The following IL1RAPL2 variants were observed in gnomAD, a reference collection of about 807,000 sequenced individuals.
IL1RAPL2 encodes X-linked interleukin-1 receptor accessory protein-like 2.
IL1RAPL2 carries 3 observed loss-of-function variants against 44.1 expected under a neutral mutation model. The ratio of observed to expected loss-of-function variants is 0.07; its 90% CI spans 0.03 to 0.18. The LOEUF (loss-of-function observed/expected upper bound fraction) is 0.18, where lower values mean the gene tolerates loss of function less well. Ranked by LOEUF, IL1RAPL2 falls within the 10% of genes least tolerant of loss-of-function variation. The pLI, the probability that IL1RAPL2 is intolerant of heterozygous loss-of-function variation, is 1.00. For missense variants in IL1RAPL2, 391 were observed against 496.4 expected (o/e 0.79, Z 2.02); for synonymous variants, 181 against 178.8 (o/e 1.01, Z -0.10).
At chrX:105,076,233 G>A (rs2032299016) in intron 2 of IL1RAPL2, among the ~76,000 whole-genome samples, 1 of 110,913 alleles carries the variant, frequency 9.0e-6, no homozygotes, top group African/African-American at 3.3e-5. Flanking sequence ...AGAGATTCTG[G>A]TATGTTGTGT....
chrX:104,774,855 G>T (rs1293967657), intron 2 of IL1RAPL2, among the ~76,000 whole-genome samples: 3 of 112,225 alleles, frequency 2.7e-5, no homozygotes, highest in Non-Finnish European at 1.9e-5. Context: ...AAATTACTAA[G>T]ATGTGTGGTG....
At chrX:105,065,554 G>T (rs952723773) in intron 2 of IL1RAPL2, among the ~76,000 whole-genome samples, 3 of 111,712 alleles carry the variant, frequency 2.7e-5, no homozygotes, top group African/African-American at 9.8e-5. Flanking sequence ...ATTGGGAATA[G>T]AGTCTCAATT....
chrX:104,857,166 A>G (rs373161056), intron 2 of IL1RAPL2, among the ~76,000 whole-genome samples: 4 of 112,061 alleles, frequency 3.6e-5, no homozygotes, highest in African/African-American at 1.3e-4. Flanking sequence ...CACAGAACAA[A>G]TACCTATTGG....
chrX:105,021,973 T>C, intron 2 of IL1RAPL2, among the ~76,000 whole-genome samples: 1 of 111,180 alleles, frequency 9.0e-6, no homozygotes, highest in Non-Finnish European at 1.9e-5. Flanking sequence ...ATCAACCATA[T>C]AAATTGTAGG....
chrX:105,467,522 A>G (rs1456306394), intron 5 of IL1RAPL2, among the ~76,000 whole-genome samples: 1 of 111,991 alleles, frequency 8.9e-6, no homozygotes, highest in Non-Finnish European at 1.9e-5. Context: ...AACCCTGCTT[A>G]TAGTTGTTCA....
chrX:105,256,777 C>T (rs912145334), intron 4 of IL1RAPL2, among the ~76,000 whole-genome samples: 7 of 111,639 alleles, frequency 6.3e-5, no homozygotes, highest in Non-Finnish European at 1.3e-4. Flanking sequence ...CTAGTAGTTT[C>T]TGATGGGGGT....
rs1204302612 is a variant in IL1RAPL2 at position 105,767,405 on chromosome X, A to G, written c.1805A>G (p.Asp602Gly). 6.6e-6 allele frequency: 8 copies of G among 1,209,418 alleles called. No homozygotes were observed. Among genetic ancestry groups the G allele is most frequent in the Non-Finnish European group, 8.9e-6 (8 of 894,737 alleles). ...TSATLVSSQA[D>G]LPEFHPSDSM... is the part of the protein sequence containing the mutation. ...GCCACTCTGGTGTCATCTCAGGCTG[A>G]TCTCCCTGAATTCCACCCTTCAGAT... is the stretch of plus-strand genomic sequence containing the variant. The change falls in exon 11 of 11, where the codon GAT becomes GGT. Residue 602 changes from aspartate (D) to glycine (G), a missense_variant. Coordinates refer to ENST00000372582, the MANE Select transcript of IL1RAPL2 (RefSeq NM_017416.2).
intron 2 of IL1RAPL2, among the ~76,000 whole-genome samples, chrX:105,060,415 C>A (rs956089831): frequency 4.5e-5 from 5 of 111,549 alleles, no homozygotes; most frequent in Middle Eastern, 4.8e-3. Flanking sequence ...AATTGATTAG[C>A]TTTTGCTGAA....
At chrX:105,744,433 A>G (rs1367345955) in intron 8 of IL1RAPL2, among the ~76,000 whole-genome samples, 2 of 111,241 alleles carry the variant, frequency 1.8e-5, no homozygotes, top group African/African-American at 6.5e-5. Flanking sequence ...AACTTAAGAT[A>G]TTTCCTTTGG....
chrX:104,840,187 T>C (rs950109993), intron 2 of IL1RAPL2, among the ~76,000 whole-genome samples: 1 of 112,218 alleles, frequency 8.9e-6, no homozygotes, highest in Non-Finnish European at 1.9e-5. Context: ...TTCAAGTTTC[T>C]GATGTGGGTA....
At chrX:105,036,120 A>G (rs1197832136) in intron 2 of IL1RAPL2, among the ~76,000 whole-genome samples, 2 of 111,416 alleles carry the variant, frequency 1.8e-5, no homozygotes, top group African/African-American at 6.5e-5. Context: ...AATTTGACCA[A>G]TGTCTACAAG....
intron 6 of IL1RAPL2, among the ~76,000 whole-genome samples, chrX:105,679,768 A>G (rs1293062237): frequency 8.9e-6 from 1 of 111,888 alleles, no homozygotes; most frequent in Non-Finnish European, 1.9e-5. Flanking sequence ...AAAAAGCCTG[A>G]AAAATTATCT....
intron 5 of IL1RAPL2, among the ~76,000 whole-genome samples, chrX:105,459,857 A>T (rs1323929515): frequency 1.8e-5 from 2 of 111,855 alleles, no homozygotes; most frequent in Non-Finnish European, 3.8e-5. Flanking sequence ...TCACAATTAT[A>T]TGAAAAATAA....
intron 2 of IL1RAPL2, among the ~76,000 whole-genome samples, chrX:104,933,241 G>T (rs1162968026): frequency 9.0e-6 from 1 of 110,713 alleles, no homozygotes; most frequent in African/African-American, 3.3e-5. Context: ...CATGTTGTGC[G>T]CATGTACCCT....
At chrX:105,325,541 TTATATATATA>T (rs3035842) in intron 5 of IL1RAPL2, among the ~76,000 whole-genome samples, 2,877 of 75,852 alleles carry the variant, frequency 0.038, 56 homozygotes, top group South Asian at 0.078. Context: ...TCTCTTGGTT[TTATATATATA>T]TATATATATA....
chrX:104,634,830 C>G (rs140124647), intron 1 of IL1RAPL2, among the ~76,000 whole-genome samples: 6,230 of 111,546 alleles, frequency 0.056, 146 homozygotes, highest in Non-Finnish European at 0.086. Flanking sequence ...TTGGAGCATT[C>G]AGCCCATTTA....
chrX:105,154,325 T>G (rs2033252031), intron 2 of IL1RAPL2, among the ~76,000 whole-genome samples: 1 of 111,058 alleles, frequency 9.0e-6, no homozygotes, highest in African/African-American at 3.3e-5. Context: ...GGCTTAGAAT[T>G]TTATTTTTGG....
chrX:104,852,602 T>C (rs1036402072), intron 2 of IL1RAPL2, among the ~76,000 whole-genome samples: 1 of 111,834 alleles, frequency 8.9e-6, no homozygotes, highest in Non-Finnish European at 1.9e-5. Flanking sequence ...TTAGGATGCT[T>C]GTGTAAATGG....
At chrX:105,634,261 C>G (rs1007174106) in intron 6 of IL1RAPL2, among the ~76,000 whole-genome samples, 2 of 111,048 alleles carry the variant, frequency 1.8e-5, no homozygotes, top group Non-Finnish European at 3.8e-5. Flanking sequence ...TTCTAATAAT[C>G]AGGCCTACAA....
Sources: gnomAD v4.1 joint callset for allele counts (sites outside exome capture counted in the v4.1 genomes callset) on GRCh38, gnomAD v4.1.1 for gene constraint, MANE v1.5 for transcripts, NCBI Gene and HGNC (gene_info 2026-07-23, HGNC 2026-07-21) for gene names.